PRKCE: variants seen among roughly 807,000 people sequenced by gnomAD.
PRKCE encodes protein kinase C epsilon, also known as protein kinase C epsilon type.
A neutral mutation model predicts 85.4 loss-of-function variants in PRKCE; 16 were observed. The ratio of observed to expected loss-of-function variants is 0.19; its 90% CI spans 0.13 to 0.28. The LOEUF (loss-of-function observed/expected upper bound fraction) is 0.28. PRKCE is among the 10% of genes least tolerant of loss of function. The pLI is 1.00. For missense variants in PRKCE, 573 were observed against 975.2 expected, an observed-to-expected ratio of 0.59 and a Z score of 5.49; for synonymous variants, 388 against 371.5, an observed-to-expected ratio of 1.04 and a Z score of -0.51.
intron 1 of PRKCE, among the ~76,000 whole-genome samples, chr2:45,768,475 T>G (rs1433770034): frequency 6.6e-6 from 1 of 152,192 alleles, no homozygotes; most frequent in Non-Finnish European, 1.5e-5. Flanking sequence ...AAGGACATTT[T>G]AGCTTTCCCT....
At chr2:45,661,126 T>A (rs1452627884) in intron 1 of PRKCE, among the ~76,000 whole-genome samples, 2 of 152,200 alleles carry the variant, frequency 1.3e-5, no homozygotes, top group Non-Finnish European at 2.9e-5. Flanking sequence ...AGGAGTAGAC[T>A]CACTGAGCTC....
intron 1 of PRKCE, among the ~76,000 whole-genome samples, chr2:45,692,210 C>T (rs995595159): frequency 3.1e-4 from 47 of 152,256 alleles, no homozygotes; most frequent in African/African-American, 1.1e-3. Context: ...TAACAAAGCA[C>T]CACAAACTGG....
intron 6 of PRKCE, among the ~76,000 whole-genome samples, chr2:45,991,324 G>C (rs1320096993): frequency 6.6e-6 from 1 of 152,022 alleles, no homozygotes; most frequent in African/African-American, 2.4e-5. Context: ...GTTAATTTCT[G>C]TCTCTCCCAA....
At chr2:46,015,049 G>C (rs1271486024) in intron 10 of PRKCE, among the ~76,000 whole-genome samples, 1 of 152,150 alleles carries the variant, frequency 6.6e-6, no homozygotes, top group Non-Finnish European at 1.5e-5. Flanking sequence ...GATGCCTATC[G>C]GTAGAGGAGG....
intron 10 of PRKCE, chr2:46,010,962 T>C (rs547615242): frequency 5.0e-6 from 7 of 1,394,960 alleles, no homozygotes; most frequent in Admixed American, 3.0e-5. Context: ...TGTGAACAAA[T>C]GCTTAAAATT....
At chr2:45,790,931 C>A (rs1686983741) in intron 1 of PRKCE, among the ~76,000 whole-genome samples, 1 of 152,156 alleles carries the variant, frequency 6.6e-6, no homozygotes, top group South Asian at 2.1e-4. Flanking sequence ...GAGGCCCGTA[C>A]CTGATTAAGG....
intron 10 of PRKCE, among the ~76,000 whole-genome samples, chr2:46,061,184 G>A (rs757613276): frequency 1.3e-4 from 18 of 136,248 alleles, no homozygotes; most frequent in Admixed American, 4.1e-4. Context: ...ATCAGGGCTC[G>A]CTGCAGCCTC....
chr2:45,862,885 T>C (rs1693284358), intron 2 of PRKCE, among the ~76,000 whole-genome samples: 1 of 152,194 alleles, frequency 6.6e-6, no homozygotes. Context: ...TGCATTCACA[T>C]TGAAAACTTA....
intron 1 of PRKCE, among the ~76,000 whole-genome samples, chr2:45,721,571 T>G (rs944444665): frequency 1.6e-4 from 25 of 152,044 alleles, no homozygotes; most frequent in Non-Finnish European, 3.2e-4. Flanking sequence ...CAATTTAGTT[T>G]CTCAAAACAC....
At chr2:46,066,740 G>A (rs1428916600) in intron 10 of PRKCE, among the ~76,000 whole-genome samples, 2 of 152,134 alleles carry the variant, frequency 1.3e-5, no homozygotes, top group African/African-American at 4.8e-5. Context: ...ACTATGTCCT[G>A]GGCTTCACAG....
intron 1 of PRKCE, among the ~76,000 whole-genome samples, chr2:45,793,309 C>G (rs1687173856): frequency 1.3e-5 from 2 of 152,178 alleles, no homozygotes; most frequent in African/African-American, 2.4e-5. Context: ...TGCTGCTCTT[C>G]TTTCTCGCTT....
chr2:45,944,648 C>A (rs987129790), intron 2 of PRKCE, among the ~76,000 whole-genome samples: 5 of 134,796 alleles, frequency 3.7e-5, no homozygotes, highest in African/African-American at 1.1e-4. Flanking sequence ...GCCACCATAC[C>A]CGGCTAATTT....
At chr2:46,103,501 A>C (rs1671429171) in intron 11 of PRKCE, among the ~76,000 whole-genome samples, 1 of 152,190 alleles carries the variant, frequency 6.6e-6, no homozygotes, top group Non-Finnish European at 1.5e-5. Context: ...CATACACATA[A>C]CTCATGTATA....
At chr2:46,009,077 G>A (rs895598851) in intron 9 of PRKCE, among the ~76,000 whole-genome samples, 6 of 152,210 alleles carry the variant, frequency 3.9e-5, no homozygotes, top group Admixed American at 2.6e-4. Flanking sequence ...GGCTTGTGAC[G>A]TTTGTAGGTA....
At chr2:46,148,747 GA>G (rs1224225567) in intron 12 of PRKCE, among the ~76,000 whole-genome samples, 1 of 152,178 alleles carries the variant, frequency 6.6e-6, no homozygotes, top group East Asian at 1.9e-4. Flanking sequence ...CGCTGGCCAT[GA>G]AAAAATAACT....
At chr2:45,818,188 G>T (rs1315905552) in intron 1 of PRKCE, among the ~76,000 whole-genome samples, 1 of 152,132 alleles carries the variant, frequency 6.6e-6, no homozygotes, top group African/African-American at 2.4e-5. Flanking sequence ...TTCTGTTTTT[G>T]TTTTTACTTT....
At chr2:45,699,223 G>A (rs1678412221) in intron 1 of PRKCE, among the ~76,000 whole-genome samples, 1 of 152,014 alleles carries the variant, frequency 6.6e-6, no homozygotes, top group African/African-American at 2.4e-5. Flanking sequence ...AATCCCCAGA[G>A]GTGTCACTCC....
intron 2 of PRKCE, among the ~76,000 whole-genome samples, chr2:45,967,041 T>C (rs1701779579): frequency 6.6e-6 from 1 of 152,236 alleles, no homozygotes. Flanking sequence ...TGTATATGTC[T>C]GATCTCCTCA....
chr2:45,842,893 T>C (rs953508452), intron 1 of PRKCE, 107 bp from the exon 2 acceptor site: 7 of 1,000,628 alleles, frequency 7.0e-6, no homozygotes, highest in Non-Finnish European at 1.1e-5. Context: ...GTGAATTACA[T>C]GGAGCTGTGT....
Sources: allele counts gnomAD v4.1 joint callset (sites outside exome capture counted in the v4.1 genomes callset), GRCh38; gene constraint gnomAD v4.1.1; transcripts MANE v1.5; gene names NCBI Gene and HGNC (gene_info 2026-07-23, HGNC 2026-07-21).